The following BBS7 variants were observed in gnomAD, a reference collection of about 807,000 sequenced individuals.
BBS7 encodes Bardet-Biedl syndrome 7.
BBS7 carries 50 observed loss-of-function variants against 90.3 expected under a neutral mutation model. That is an observed-to-expected ratio of 0.55 (90% CI 0.44 to 0.70). BBS7 has a LOEUF of 0.70. Among genes scored for constraint, BBS7 ranks in the 30% least tolerant of loss-of-function variants. The pLI is 0.00. For synonymous variants in BBS7, 235 were observed against 287.4 expected, an observed-to-expected ratio of 0.82 and a Z score of 1.85; for missense variants, 729 against 838.9, an observed-to-expected ratio of 0.87 and a Z score of 1.62.
At chr4:121,840,149 T>A (rs1358703150) in intron 12 of BBS7, among the ~76,000 whole-genome samples, 1 of 152,200 alleles carries the variant, frequency 6.6e-6, no homozygotes, top group African/African-American at 2.4e-5. Context: ...GATAATTGAA[T>A]CATGGGGCCA....
Position 121,834,879 on chromosome 4 carries a change from A to G in BBS7, c.1511+265T>C, listed in dbSNP as rs949767627. On this transcript the variant is annotated intron_variant, in intron 14 of 18. Coordinates refer to ENST00000264499, the MANE Select transcript of BBS7 (RefSeq NM_176824.3). ...GTTAAACAGTATTTGCTCTCACATT[A>G]AGTATCTGAGAAAGAGAACTGCTAT... 3.3e-5 allele frequency among the ~76,000 whole-genome samples: 5 copies of G among 152,154 alleles called. No homozygotes were observed. In the East Asian group the frequency reaches 9.6e-4, roughly 29 times the overall value.
chr4:121,859,219 G>T, intron 4 of BBS7, 41 bp from the exon 5 acceptor site: 1 of 1,569,540 alleles, frequency 6.4e-7, no homozygotes, highest in Non-Finnish European at 8.8e-7. Context: ...ATAAGCACAG[G>T]TACTGAATTT....
chr4:121,833,254 A>T lies in BBS7; in HGVS notation c.1653T>A (p.Asp551Glu), dbSNP rs1388581637. 1.9e-6 allele frequency: 3 copies of T among 1,613,976 alleles called. No homozygotes were observed. The highest frequency in any genetic ancestry group is 2.5e-6 in the Non-Finnish European group (3 of 1,179,888). The change falls in exon 15 of 19, where the codon GAT (aspartate) becomes GAA (glutamate). Residue 551 changes from aspartate (D) to glutamate (E), a missense_variant. Transcript: ENST00000264499. ...ACCTGTAGGTACTTTCAAGTTGTGT[A>T]TCTAGAAAGGTGTTCTGAAAGTAAA... ...VTFYFQNTFL[D>E]TQLESTYRKG... is the part of the protein sequence containing the mutation.
chr4:121,846,495 T>C (rs1726017194), intron 10 of BBS7, among the ~76,000 whole-genome samples: 1 of 152,110 alleles, frequency 6.6e-6, no homozygotes, highest in South Asian at 2.1e-4. Context: ...GGGTATCAAA[T>C]GAACAAATCA....
intron 2 of BBS7, among the ~76,000 whole-genome samples, chr4:121,864,687 T>C (rs1727162482): frequency 6.6e-6 from 1 of 152,168 alleles, no homozygotes; most frequent in Admixed American, 6.5e-5. Context: ...ACCAAAAATT[T>C]TGAGAAGTGC....
At chr4:121,837,433 T>C (rs938040121) in intron 13 of BBS7, among the ~76,000 whole-genome samples, 4 of 152,228 alleles carry the variant, frequency 2.6e-5, no homozygotes, top group African/African-American at 9.6e-5. Context: ...TCTGAATTTA[T>C]TTTTTATATA....
At chr4:121,869,770 C>G (rs1008023712) in intron 1 of BBS7, among the ~76,000 whole-genome samples, 1 of 152,176 alleles carries the variant, frequency 6.6e-6, no homozygotes, top group African/African-American at 2.4e-5. Flanking sequence ...AACTGCTGAC[C>G]TTAGGTGATC....
chr4:121,862,342 C>T (rs1020091688), intron 3 of BBS7, among the ~76,000 whole-genome samples: 2 of 151,944 alleles, frequency 1.3e-5, no homozygotes, highest in African/African-American at 2.4e-5. Context: ...GCTTCTTCTC[C>T]TCCACTTCCT....
rs879768567 is a variant in BBS7, at chr4:121,847,524, A to C, written c.935-18T>G. On this transcript the variant is annotated intron_variant, in intron 9 of 18. Coordinates refer to ENST00000264499, the MANE Select transcript of BBS7 (RefSeq NM_176824.3). ...AACCCAGCCTGTAGAGATGAATTACAATCACGCACCACTTAGTACTGCTAG... is the reference window on the plus strand; with the variant it reads ...AACCCAGCCTGTAGAGATGAATTACCATCACGCACCACTTAGTACTGCTAG... 2 of 1,531,996 alleles carry C rather than the reference A, an allele frequency of 1.3e-6. No individual in the cohort carries two copies. Among genetic ancestry groups the C allele is most frequent in the Non-Finnish European group, 9.0e-7 (1 of 1,105,648 alleles). The allele number at this position is 1,531,996 out of a possible 1,614,324, so 94.9% of individuals were successfully genotyped here.
chr4:121,855,033 T>C (rs1353374445), intron 6 of BBS7, among the ~76,000 whole-genome samples: 1 of 152,058 alleles, frequency 6.6e-6, no homozygotes, highest in Non-Finnish European at 1.5e-5. Flanking sequence ...AGAAACTAGG[T>C]TGGGTGCCGT....
chr4:121,853,079 C>CA lies in BBS7; in HGVS notation c.725dup (p.Leu242PhefsTer4). On this transcript the variant is annotated frameshift_variant, in exon 8 of 19. Coordinates refer to ENST00000264499, the MANE Select transcript of BBS7 (RefSeq NM_176824.3). LOFTEE classifies it high-confidence loss of function. The stretch of plus-strand genomic sequence containing the variant: ...CCACAATGTCAAAGCTGTCAATACA[C>CA]AAAATACCTTTAAAAAGAGATATGT... 6.2e-7 allele frequency: 1 copy of CA among 1,612,974 alleles called. No individual in the cohort carries two copies. Among genetic ancestry groups the CA allele is most frequent in the African/African-American group, 1.3e-5 (1 of 74,914 alleles).
At chr4:121,860,341 A>G (rs1359805869) in intron 4 of BBS7, among the ~76,000 whole-genome samples, 1 of 152,116 alleles carries the variant, frequency 6.6e-6, no homozygotes, top group Non-Finnish European at 1.5e-5. Flanking sequence ...ATATGTGGTG[A>G]CTAATGTTAA....
At chr4:121,855,634 A>C (rs1726570654) in intron 5 of BBS7, 73 bp from the exon 6 acceptor site, 2 of 1,251,306 alleles carry the variant, frequency 1.6e-6, no homozygotes, top group African/African-American at 3.0e-5. Flanking sequence ...GAATAACATC[A>C]ATATTCAAAT....
intron 13 of BBS7, 87 bp from the exon 14 acceptor site, chr4:121,835,370 T>C: frequency 6.7e-7 from 1 of 1,502,584 alleles, no homozygotes; most frequent in South Asian, 1.2e-5. Flanking sequence ...TATCAAGTAC[T>C]TAAAATTCAC....
At chr4:121,840,733 CAAAG>C (rs1240447232) in intron 12 of BBS7, among the ~76,000 whole-genome samples, 1 of 151,546 alleles carries the variant, frequency 6.6e-6, no homozygotes, top group Non-Finnish European at 1.5e-5. Flanking sequence ...ATTAAATAAT[CAAAG>C]AAATAAAAAG....
chr4:121,838,622 G>A (rs1232107192), intron 13 of BBS7, among the ~76,000 whole-genome samples: 1 of 152,052 alleles, frequency 6.6e-6, no homozygotes, highest in Non-Finnish European at 1.5e-5. Flanking sequence ...AATTCAGATG[G>A]TAGGAAAATA....
At chr4:121,826,191 C>G in intron 18 of BBS7, among the ~76,000 whole-genome samples, 198 bp from the exon 19 acceptor site, 1 of 152,172 alleles carries the variant, frequency 6.6e-6, no homozygotes, top group East Asian at 1.9e-4. Flanking sequence ...TATAAATCAT[C>G]TGCCTAATAA....
chr4:121,857,048 C>T (rs899529450), intron 5 of BBS7, among the ~76,000 whole-genome samples: 2 of 151,946 alleles, frequency 1.3e-5, no homozygotes, highest in Middle Eastern at 3.4e-3. Flanking sequence ...GGATTACAGG[C>T]GTGAGCCACC....
chr4:121,870,188 G>A, intron 1 of BBS7, 90 bp downstream of exon 1: 2 of 1,561,642 alleles, frequency 1.3e-6, no homozygotes, highest in Non-Finnish European at 8.8e-7. Context: ...CCAGCTCCTG[G>A]CGACCGAGAC....
Sources: allele counts gnomAD v4.1 joint callset (sites outside exome capture counted in the v4.1 genomes callset), GRCh38; gene constraint gnomAD v4.1.1; transcripts MANE v1.5; gene names NCBI Gene and HGNC (gene_info 2026-07-23, HGNC 2026-07-21).